The following TRMT11 variants were observed in gnomAD, a reference collection of about 807,000 sequenced individuals.
TRMT11 encodes the protein tRNA methyltransferase 11.
TRMT11 carries 53 observed loss-of-function variants against 62.8 expected under a neutral mutation model. The observed-to-expected ratio is 0.84, with a 90% confidence interval of 0.68 to 1.06. TRMT11 has a LOEUF of 1.06. Ranked by LOEUF, TRMT11 falls within the 50% of genes least tolerant of loss-of-function variation. The pLI is 0.00. For missense variants in TRMT11, 556 were observed against 553.4 expected, an observed-to-expected ratio of 1.00 and a Z score of -0.05; for synonymous variants, 188 against 190.3, an observed-to-expected ratio of 0.99 and a Z score of 0.10.
At chr6:126,226,020 A>G in the TRMT11 span, among the ~76,000 whole-genome samples, 4 of 152,092 alleles carry the variant, frequency 2.6e-5, no homozygotes, top group Non-Finnish European at 5.9e-5. Context: ...TCAGAAATAC[A>G]TTTCCCTGTG....
At chr6:126,236,886 T>G in the TRMT11 span, among the ~76,000 whole-genome samples, 1 of 152,198 alleles carries the variant, frequency 6.6e-6, no homozygotes, top group Non-Finnish European at 1.5e-5. Context: ...CTACATGGTC[T>G]GCTGCAGGGA....
At chr6:126,113,760 ATATTAGC>A (rs890975165) in intron 18 of TRMT11, among the ~76,000 whole-genome samples, 2 of 152,042 alleles carry the variant, frequency 1.3e-5, no homozygotes, top group African/African-American at 4.8e-5. Flanking sequence ...TAGGCTCTCA[ATATTAGC>A]AGCATCAGTG....
At chr6:125,999,316 C>T in intron 6 of TRMT11, 141 bp from the exon 7 acceptor site, 1 of 529,528 alleles carries the variant, frequency 1.9e-6, no homozygotes, top group East Asian at 3.3e-5. Flanking sequence ...ACCTCAATTA[C>T]ATTATTTTAA....
At chr6:126,210,883 T>C in the TRMT11 span, among the ~76,000 whole-genome samples, 1 of 152,298 alleles carries the variant, frequency 6.6e-6, no homozygotes, top group East Asian at 1.9e-4. Context: ...TATGTATTTG[T>C]GGCCGGTGCT....
the TRMT11 span, among the ~76,000 whole-genome samples, chr6:126,249,903 C>T: frequency 2.0e-5 from 3 of 151,878 alleles, no homozygotes; most frequent in African/African-American, 7.3e-5. Context: ...TTTTTAATCT[C>T]GAATCCTCTC....
chr6:126,223,416 G>A, the TRMT11 span, among the ~76,000 whole-genome samples: 10 of 141,876 alleles, frequency 7.0e-5, no homozygotes, highest in African/African-American at 2.1e-4. Context: ...GCAAGACTCC[G>A]TCTCGAAAAA....
At chr6:126,255,215 T>C in the TRMT11 span, among the ~76,000 whole-genome samples, 5 of 152,244 alleles carry the variant, frequency 3.3e-5, no homozygotes, top group Non-Finnish European at 5.9e-5. Context: ...TAGATAATTT[T>C]CTTTCATCAA....
chr6:126,174,144 G>A (rs911750913), upstream of TRMT11, among the ~76,000 whole-genome samples: 3 of 152,048 alleles, frequency 2.0e-5, no homozygotes, highest in East Asian at 3.9e-4. Flanking sequence ...CCCCACTGTC[G>A]CCCACTCCTC....
chr6:126,035,219 A>T (rs773574581), intron 12 of TRMT11, among the ~76,000 whole-genome samples: 5 of 152,082 alleles, frequency 3.3e-5, no homozygotes, highest in Non-Finnish European at 7.4e-5. Context: ...TGGACCATAG[A>T]CATACTGAGT....
At chr6:126,024,412 T>G (rs183622193) in intron 12 of TRMT11, among the ~76,000 whole-genome samples, 16 of 152,344 alleles carry the variant, frequency 1.1e-4, no homozygotes, top group African/African-American at 3.6e-4. Context: ...TTTCTCTTCT[T>G]TTTGTTTTGG....
chr6:126,129,830 T>C (rs1324692630), intron 21 of TRMT11, among the ~76,000 whole-genome samples: 4 of 152,142 alleles, frequency 2.6e-5, no homozygotes, highest in Non-Finnish European at 5.9e-5. Context: ...GTCTATAATT[T>C]TCTATCTGTA....
intron 21 of TRMT11, among the ~76,000 whole-genome samples, chr6:126,141,129 G>A (rs1376981912): frequency 6.6e-6 from 1 of 152,016 alleles, no homozygotes; most frequent in Non-Finnish European, 1.5e-5. Context: ...CTGTGAATTT[G>A]AATAAGAGAG....
chr6:126,123,430 G>A (rs1777673270), intron 21 of TRMT11, among the ~76,000 whole-genome samples: 1 of 152,204 alleles, frequency 6.6e-6, no homozygotes, highest in African/African-American at 2.4e-5. Context: ...GGAGCGTCCT[G>A]TGAGTAAGGA....
chr6:126,204,518 C>G (rs1778771431), downstream of TRMT11, among the ~76,000 whole-genome samples: 1 of 152,204 alleles, frequency 6.6e-6, no homozygotes, highest in African/African-American at 2.4e-5. Flanking sequence ...CCGCTTAGCT[C>G]TGATTCTTGC....
chr6:125,996,570 A>G (rs1791552363), intron 3 of TRMT11, among the ~76,000 whole-genome samples: 1 of 152,042 alleles, frequency 6.6e-6, no homozygotes, highest in Admixed American at 6.6e-5. Flanking sequence ...TATCATTGGC[A>G]TCCACTTTTT....
intron 17 of TRMT11, among the ~76,000 whole-genome samples, chr6:126,061,540 A>AT (rs5879799): frequency 0.028 from 3,737 of 135,414 alleles, 70 homozygotes; most frequent in Middle Eastern, 0.083. Context: ...GGATCAGTCA[A>AT]TTTTTTTTTT....
intron 1 of TRMT11, among the ~76,000 whole-genome samples, chr6:125,993,465 A>G (rs1460803920): frequency 6.6e-6 from 1 of 152,176 alleles, no homozygotes; most frequent in Non-Finnish European, 1.5e-5. Context: ...AGTCTTACTA[A>G]TCTGCACTTT....
chr6:126,257,717 C>A, the TRMT11 span, among the ~76,000 whole-genome samples: 1,733 of 152,100 alleles, frequency 0.011, 25 homozygotes, highest in Non-Finnish European at 0.015. Flanking sequence ...AAAGGTCCTG[C>A]GCCACAGAGT....
At chr6:126,079,514 C>T (rs145906486) in intron 17 of TRMT11, among the ~76,000 whole-genome samples, 241 of 152,304 alleles carry the variant, frequency 1.6e-3, no homozygotes, top group African/African-American at 5.2e-3. Flanking sequence ...ATCTTCTTCA[C>T]TAAGACTTCG....
Sources: gnomAD v4.1 joint callset for allele counts (sites outside exome capture counted in the v4.1 genomes callset) on GRCh38, gnomAD v4.1.1 for gene constraint, MANE v1.5 for transcripts, NCBI Gene and HGNC (gene_info 2026-07-23, HGNC 2026-07-21) for gene names.